Variants in DISC1 observed in about 807,000 individuals in gnomAD.
DISC1 encodes the protein disrupted in schizophrenia 1 protein.
DISC1 carries 57 observed loss-of-function variants against 84.5 expected under a neutral mutation model. The ratio of observed to expected loss-of-function variants is 0.67; its 90% CI spans 0.55 to 0.84. The LOEUF (loss-of-function observed/expected upper bound fraction) is 0.84. Ranked by LOEUF, DISC1 falls within the 40% of genes least tolerant of loss-of-function variation. The pLI is 0.00. For missense variants in DISC1, 1,000 were observed against 1,057.8 expected (o/e 0.95, Z 0.76); for synonymous variants, 411 against 415.2 (o/e 0.99, Z 0.12).
chr1:231,881,034 G>A (rs956453980), intron 9 of DISC1, among the ~76,000 whole-genome samples: 1 of 152,138 alleles, frequency 6.6e-6, no homozygotes, highest in African/African-American at 2.4e-5. Context: ...GATTAGCGCC[G>A]AGTGTGCTGC....
intron 9 of DISC1, among the ~76,000 whole-genome samples, chr1:231,880,922 A>G (rs370836912): frequency 1.3e-5 from 2 of 152,196 alleles, no homozygotes; most frequent in African/African-American, 4.8e-5. Flanking sequence ...GGTGTTATCA[A>G]TAGAGCAGTT....
chr1:231,786,906 C>T (rs568612318), intron 6 of DISC1, among the ~76,000 whole-genome samples: 1 of 152,296 alleles, frequency 6.6e-6, no homozygotes, highest in South Asian at 2.1e-4. Context: ...CAGGAAGGCA[C>T]TTCTCGTTTT....
intron 1 of DISC1, among the ~76,000 whole-genome samples, chr1:231,641,280 T>C (rs992239733): frequency 1.3e-5 from 2 of 152,186 alleles, no homozygotes; most frequent in African/African-American, 4.8e-5. Flanking sequence ...CTGGAGTTTG[T>C]TCCTTCTGAT....
intron 11 of DISC1, among the ~76,000 whole-genome samples, chr1:232,010,792 G>C (rs901505843): frequency 6.6e-6 from 1 of 152,158 alleles, no homozygotes; most frequent in South Asian, 2.1e-4. Context: ...AAACTGGGGG[G>C]AGCTTAGCAA....
intron 1 of DISC1, among the ~76,000 whole-genome samples, chr1:231,634,533 G>C (rs2059026397): frequency 6.6e-6 from 1 of 152,168 alleles, no homozygotes; most frequent in Non-Finnish European, 1.5e-5. Context: ...GTGAGACACT[G>C]TCCTTGGGGA....
At chr1:231,867,809 G>A (rs1478527603) in intron 9 of DISC1, among the ~76,000 whole-genome samples, 2 of 152,236 alleles carry the variant, frequency 1.3e-5, no homozygotes, top group Non-Finnish European at 2.9e-5. Context: ...GAAACAGTTG[G>A]AGCACTATGT....
chr1:231,835,904 C>G (rs1320663990), intron 9 of DISC1, among the ~76,000 whole-genome samples: 1 of 152,184 alleles, frequency 6.6e-6, no homozygotes, highest in Non-Finnish European at 1.5e-5. Context: ...TACTAAACAA[C>G]ATAGACCGAT....
intron 3 of DISC1, among the ~76,000 whole-genome samples, chr1:231,712,304 A>G (rs569441653): frequency 1.3e-5 from 2 of 152,268 alleles, no homozygotes; most frequent in African/African-American, 4.8e-5. Flanking sequence ...GTAATTAGTT[A>G]TAGCAGCCAC....
intron 6 of DISC1, among the ~76,000 whole-genome samples, chr1:231,792,467 G>T (rs997320851): frequency 6.6e-6 from 1 of 152,172 alleles, no homozygotes; most frequent in Non-Finnish European, 1.5e-5. Flanking sequence ...TAATGCATGG[G>T]CTAGTCTTTG....
chr1:231,926,320 T>C (rs1165700678), intron 9 of DISC1, among the ~76,000 whole-genome samples: 1 of 152,104 alleles, frequency 6.6e-6, no homozygotes, highest in Non-Finnish European at 1.5e-5. Context: ...CAAAAGTGGG[T>C]TTACGTAAAA....
chr1:231,860,993 A>C (rs1242686773), intron 9 of DISC1, among the ~76,000 whole-genome samples: 3 of 152,276 alleles, frequency 2.0e-5, no homozygotes, highest in East Asian at 3.9e-4. Context: ...TTTTTTCCGC[A>C]AGGGCACTTT....
intron 9 of DISC1, among the ~76,000 whole-genome samples, chr1:231,932,543 G>C (rs929814054): frequency 6.6e-6 from 1 of 152,100 alleles, no homozygotes; most frequent in Non-Finnish European, 1.5e-5. Context: ...TTCATGGTAG[G>C]GGCTGGATTT....
rs1669479559 is a variant in DISC1, at chr1:232,026,529, A to G, written c.2402A>G (p.His801Arg). The part of the protein sequence containing the change: ...YLEDQLHTAI[H>R]SHDEDLIQSL... ...GAAGATCAACTTCACACAGCAATCC[A>G]CAGTCATGATGAAGATCTCATTCAT... The change falls in exon 12 of 13, where the codon CAC (histidine) becomes CGC (arginine). Residue 801 changes from histidine to arginine, a missense_variant. Physicochemically the swap from His to Arg is conservative, Grantham distance 29. Transcript: ENST00000439617. The G allele has an allele frequency of 6.2e-7, 1 of 1,605,242 alleles. No individual in the cohort carries two copies. The highest frequency in any genetic ancestry group is 8.5e-7 in the Non-Finnish European group (1 of 1,175,480).
intron 10 of DISC1, among the ~76,000 whole-genome samples, chr1:231,986,932 A>G (rs72762349): frequency 0.097 from 14,739 of 152,206 alleles, 1,099 homozygotes; most frequent in East Asian, 0.21. Context: ...TTGCTGCTCT[A>G]AGGTCTGTCT....
intron 9 of DISC1, among the ~76,000 whole-genome samples, chr1:231,915,470 C>T (rs2089552572): frequency 1.3e-5 from 2 of 152,180 alleles, no homozygotes; most frequent in East Asian, 3.9e-4. Context: ...CAGATGTATT[C>T]TGGGAAGCTC....
chr1:231,735,409 T>C (rs1429226051), intron 3 of DISC1, among the ~76,000 whole-genome samples: 1 of 152,218 alleles, frequency 6.6e-6, no homozygotes, highest in East Asian at 1.9e-4. Context: ...GAATACTTCC[T>C]ATGGGAAAGA....
chr1:231,746,366 A>G (rs2073982906), intron 3 of DISC1, among the ~76,000 whole-genome samples: 11 of 152,166 alleles, frequency 7.2e-5, no homozygotes, highest in Admixed American at 6.5e-4. Context: ...GGACACTTAG[A>G]TTGATTCCAT....
chr1:231,798,723 C>T (rs942021945), intron 7 of DISC1, among the ~76,000 whole-genome samples: 3 of 152,124 alleles, frequency 2.0e-5, no homozygotes, highest in Non-Finnish European at 4.4e-5. Context: ...TGCCCAACAT[C>T]ACCAGTGCAT....
chr1:231,702,482 C>A, intron 3 of DISC1: 1 of 987,126 alleles, frequency 1.0e-6, no homozygotes, highest in Non-Finnish European at 1.2e-6. Context: ...TTTCCAGAAC[C>A]AGAGATAGGA....
Sources: gnomAD v4.1 joint callset for allele counts (sites outside exome capture counted in the v4.1 genomes callset) on GRCh38, gnomAD v4.1.1 for gene constraint, MANE v1.5 for transcripts, NCBI Gene and HGNC (gene_info 2026-07-23, HGNC 2026-07-21) for gene names.